Variants in SORCS3 observed in about 807,000 individuals in gnomAD.
The protein encoded by SORCS3 is VPS10 domain-containing receptor SorCS3.
SORCS3 carries 57 observed loss-of-function variants against 146.3 expected under a neutral mutation model. The observed-to-expected ratio is 0.39, with a 90% CI of 0.31 to 0.49. The LOEUF is 0.49. SORCS3 is among the 20% of genes least tolerant of loss of function. SORCS3 has a pLI of 0.92. For synonymous variants in SORCS3, 653 were observed against 618.5 expected, an observed-to-expected ratio of 1.06 and a Z score of -0.83; for missense variants, 1,341 against 1,575.5, an observed-to-expected ratio of 0.85 and a Z score of 2.52.
intron 7 of SORCS3, among the ~76,000 whole-genome samples, chr10:105,126,205 GTGTT>G (rs1323252587): frequency 6.6e-6 from 1 of 152,044 alleles, no homozygotes; most frequent in Non-Finnish European, 1.5e-5. Context: ...ATGAAGTAGA[GTGTT>G]TGTGTCATGT....
At chr10:104,858,938 T>TAAAAA (rs3976791) in intron 2 of SORCS3, among the ~76,000 whole-genome samples, 1 of 138,552 alleles carries the variant, frequency 7.2e-6, no homozygotes, top group Non-Finnish European at 1.5e-5. Context: ...TGTACATTTA[T>TAAAAA]AAAAAAAAAA....
At position 104,769,309 on chromosome 10, in the gene SORCS3, G is replaced by T. The variant is rs572414183; in HGVS notation, c.628-73483G>T. Among the ~76,000 whole-genome samples the T allele has an allele frequency of 1.3e-4, 20 of 152,344 alleles. 1 individual carries two copies. In the South Asian group the frequency reaches 3.9e-3, roughly 30 times the overall value. ...AAAGCCAGGGTGAGGCCACTTCACAGGGCTGGCTCTGGAGGCCATCCCAGA... is the reference window on the plus strand; with the variant it reads ...AAAGCCAGGGTGAGGCCACTTCACATGGCTGGCTCTGGAGGCCATCCCAGA... On this transcript the variant is annotated intron_variant, in intron 1 of 26. Coordinates refer to ENST00000369701, the MANE Select transcript of SORCS3 (RefSeq NM_014978.3).
intron 8 of SORCS3, among the ~76,000 whole-genome samples, chr10:105,144,318 A>G (rs1398393076): frequency 6.6e-6 from 1 of 152,166 alleles, no homozygotes; most frequent in African/African-American, 2.4e-5. Context: ...AAAGGCCACT[A>G]GAGTATGTGA....
chr10:104,842,239 C>A (rs1411556450), intron 1 of SORCS3, among the ~76,000 whole-genome samples: 1 of 152,192 alleles, frequency 6.6e-6, no homozygotes, highest in African/African-American at 2.4e-5. Flanking sequence ...TGGTCGAAGG[C>A]AGATGGTATC....
intron 1 of SORCS3, among the ~76,000 whole-genome samples, chr10:104,736,046 C>T (rs2016767839): frequency 6.6e-6 from 1 of 152,178 alleles, no homozygotes; most frequent in Admixed American, 6.5e-5. Context: ...CATCTCGGCT[C>T]ATCCCCCTTG....
intron 10 of SORCS3, 147 bp downstream of exon 10, chr10:105,157,431 G>A: frequency 1.1e-6 from 1 of 890,288 alleles, no homozygotes; most frequent in Non-Finnish European, 1.7e-6. Context: ...ATTGGTGTGT[G>A]GACTCAGAGT....
intron 12 of SORCS3, among the ~76,000 whole-genome samples, chr10:105,165,676 A>G (rs2056306242): frequency 6.6e-6 from 1 of 152,178 alleles, no homozygotes; most frequent in South Asian, 2.1e-4. Context: ...CTATTACGAG[A>G]GCCAAAGGAG....
At chr10:105,024,006 C>A (rs2055212568) in intron 4 of SORCS3, among the ~76,000 whole-genome samples, 1 of 152,080 alleles carries the variant, frequency 6.6e-6, no homozygotes, top group South Asian at 2.1e-4. Flanking sequence ...GATGGGAAGG[C>A]ACTGGCCCAA....
chr10:105,216,850 G>T, intron 18 of SORCS3, 86 bp from the exon 19 acceptor site: 1 of 1,334,890 alleles, frequency 7.5e-7, no homozygotes. Flanking sequence ...GTCATCAGAG[G>T]TTGATGCTGA....
intron 2 of SORCS3, among the ~76,000 whole-genome samples, chr10:104,852,847 G>A (rs1475989308): frequency 6.6e-6 from 1 of 152,208 alleles, no homozygotes; most frequent in African/African-American, 2.4e-5. Flanking sequence ...GTCAGCATCA[G>A]GGCTGTTTAA....
At chr10:104,751,984 G>A (rs2016993697) in intron 1 of SORCS3, among the ~76,000 whole-genome samples, 1 of 114,952 alleles carries the variant, frequency 8.7e-6, no homozygotes, top group African/African-American at 3.0e-5. Flanking sequence ...TTTAGCAGCA[G>A]GAATGAGGTT....
intron 13 of SORCS3, among the ~76,000 whole-genome samples, chr10:105,169,496 G>A (rs1487274506): frequency 1.3e-5 from 2 of 151,992 alleles, no homozygotes; most frequent in African/African-American, 4.8e-5. Flanking sequence ...TTTGAGAGAG[G>A]GATACTAGGA....
chr10:105,247,754 GAA>G (rs2056875918), intron 22 of SORCS3, among the ~76,000 whole-genome samples: 7 of 150,498 alleles, frequency 4.7e-5, no homozygotes, highest in Non-Finnish European at 7.4e-5. Context: ...TCAAAAAGAA[GAA>G]GAAGAAGAAG....
At chr10:105,069,782 A>G (rs1383295484) in intron 5 of SORCS3, among the ~76,000 whole-genome samples, 1 of 152,148 alleles carries the variant, frequency 6.6e-6, no homozygotes, top group Non-Finnish European at 1.5e-5. Flanking sequence ...TGCTGCACCT[A>G]TCAACAGATG....
chr10:104,946,208 A>G (rs927858436), intron 3 of SORCS3, among the ~76,000 whole-genome samples: 7 of 150,434 alleles, frequency 4.7e-5, no homozygotes, highest in African/African-American at 1.7e-4. Flanking sequence ...TAAGGAGGGG[A>G]TGTAAGGCTG....
chr10:105,213,775 A>G (rs2056648632), intron 17 of SORCS3, among the ~76,000 whole-genome samples: 1 of 152,114 alleles, frequency 6.6e-6, no homozygotes, highest in African/African-American at 2.4e-5. Flanking sequence ...ATAATTTTAC[A>G]TAGTGGGATA....
intron 16 of SORCS3, among the ~76,000 whole-genome samples, chr10:105,203,191 T>C (rs749708236): frequency 3.3e-5 from 5 of 152,200 alleles, no homozygotes; most frequent in Non-Finnish European, 7.4e-5. Context: ...TAGGAAAGCA[T>C]GGCTTCAGTG....
intron 1 of SORCS3, among the ~76,000 whole-genome samples, chr10:104,714,543 A>T (rs2016455388): frequency 6.6e-6 from 1 of 152,186 alleles, no homozygotes; most frequent in African/African-American, 2.4e-5. Flanking sequence ...ATTTCCAAAT[A>T]TTTGGGAATT....
At chr10:105,086,378 T>C (rs1049666152) in intron 5 of SORCS3, among the ~76,000 whole-genome samples, 5 of 152,146 alleles carry the variant, frequency 3.3e-5, no homozygotes, top group Admixed American at 2.6e-4. Context: ...ATAATGCAAG[T>C]GCTGGAGGAT....
Sources: allele counts gnomAD v4.1 joint callset (sites outside exome capture counted in the v4.1 genomes callset), GRCh38; gene constraint gnomAD v4.1.1; transcripts MANE v1.5; gene names NCBI Gene and HGNC (gene_info 2026-07-23, HGNC 2026-07-21).